Variants in ZNF609 observed in about 807,000 individuals in gnomAD.
ZNF609 encodes zinc finger protein 609.
Under a neutral mutation model 109.5 loss-of-function variants are expected in ZNF609, and 11 were observed. The observed-to-expected ratio is 0.10, with a 90% CI of 0.06 to 0.17. The LOEUF is 0.17. ZNF609 is among the 10% of genes least tolerant of loss of function. ZNF609 has a pLI of 1.00. For synonymous variants in ZNF609, 646 were observed against 662.0 expected (o/e 0.98, Z 0.37); for missense variants, 1,559 against 1,772.4 (o/e 0.88, Z 2.16).
chr15:64,608,226 G>A (rs1234802905), intron 2 of ZNF609, among the ~76,000 whole-genome samples: 1 of 151,978 alleles, frequency 6.6e-6, no homozygotes, highest in African/African-American at 2.4e-5. Context: ...TTCTAGTCTG[G>A]TAAACATCAG....
chr15:64,528,402 A>ATTT (rs1894003703), intron 2 of ZNF609, among the ~76,000 whole-genome samples: 1 of 150,186 alleles, frequency 6.7e-6, no homozygotes, highest in African/African-American at 2.4e-5. Context: ...TATTATTATT[A>ATTT]TTATTTTTAA....
chr15:64,613,724 G>A (rs992290603), intron 2 of ZNF609, among the ~76,000 whole-genome samples: 1 of 151,766 alleles, frequency 6.6e-6, no homozygotes, highest in Non-Finnish European at 1.5e-5. Flanking sequence ...CTAATTTTTT[G>A]TATTTTTAGT....
chr15:64,676,197 A>C lies in ZNF609; in HGVS notation c.3343A>C (p.Lys1115Gln). ...SHLSKEASEA[K>Q]TGAECGRQAE... ...CCTAAGCAAGGAGGCCTCTGAGGCC[A>C]AGACAGGTGCTGAGTGTGGTCGACA... Residue 1115 changes from lysine (K) to glutamine (Q), a missense_variant, in exon 5 of 10, where the codon AAG (lysine) becomes CAG (glutamine). Physicochemically the swap from Lys to Gln is moderately conservative, Grantham distance 53. Transcript: ENST00000326648. 6.2e-7 allele frequency: 1 copy of C among 1,614,148 alleles called. No homozygotes were observed. The highest frequency in any genetic ancestry group is 8.5e-7 in the Non-Finnish European group (1 of 1,180,008).
Position 64,675,774 on chromosome 15 carries a change from T to A in ZNF609, c.2920T>A (p.Tyr974Asn). ...RPNMYMQSLYYNQYAYVPPYG... is the reference protein window; with the variant it reads ...RPNMYMQSLYNNQYAYVPPYG... The stretch of plus-strand genomic sequence containing the variant: ...CAATATGTACATGCAGTCCCTGTAC[T>A]ACAACCAGTATGCCTATGTACCCCC... Residue 974 changes from tyrosine (Y) to asparagine (N), a missense_variant, in exon 5 of 10, where the codon TAC (tyrosine) becomes AAC (asparagine). By Grantham distance (143) the Tyr-to-Asn change is moderately radical. This residue lies in a region of ZNF609 where 1,204 missense variants were observed against 1,314.1 expected (regional missense o/e 0.92). Coordinates refer to ENST00000326648, the MANE Select transcript of ZNF609 (RefSeq NM_015042.2). 1 of 1,614,202 alleles carries A rather than the reference T, an allele frequency of 6.2e-7. No individual in the cohort carries two copies. The highest frequency in any genetic ancestry group is 8.5e-7 in the Non-Finnish European group (1 of 1,180,042).
At chr15:64,598,348 T>A (rs1895432844) in intron 2 of ZNF609, among the ~76,000 whole-genome samples, 1 of 152,144 alleles carries the variant, frequency 6.6e-6, no homozygotes, top group Non-Finnish European at 1.5e-5. Flanking sequence ...ACTCCTGGCC[T>A]CAAGTGATCC....
intron 2 of ZNF609, among the ~76,000 whole-genome samples, chr15:64,586,124 A>T (rs552617798): frequency 2.8e-4 from 42 of 152,246 alleles, no homozygotes; most frequent in African/African-American, 9.9e-4. Context: ...CAGGAGTTCG[A>T]GACCAGCCTA....
intron 2 of ZNF609, among the ~76,000 whole-genome samples, chr15:64,598,750 A>ATATATATG (rs1289109463): frequency 1.1e-5 from 1 of 92,776 alleles, no homozygotes; most frequent in Non-Finnish European, 2.2e-5. Context: ...GTGTATATAT[A>ATATATATG]TATATATATA....
intron 2 of ZNF609, among the ~76,000 whole-genome samples, chr15:64,613,951 T>C (rs910667243): frequency 6.6e-6 from 1 of 151,946 alleles, no homozygotes; most frequent in African/African-American, 2.4e-5. Context: ...TTTGAGACAG[T>C]CTTGCTCTAT....
In ZNF609 at chr15:64,499,825, G is replaced by A; in HGVS notation, c.406G>A (p.Ala136Thr). The A allele has an allele frequency of 6.2e-7, 1 of 1,614,106 alleles. No individual in the cohort carries two copies. Among genetic ancestry groups the A allele is most frequent in the Non-Finnish European group, 8.5e-7 (1 of 1,180,018 alleles). The change falls in exon 2 of 10, where the codon GCT becomes ACT. Residue 136 changes from alanine (A) to threonine (T), a missense_variant. Physicochemically the swap from Ala to Thr is moderately conservative, Grantham distance 58. Transcript: ENST00000326648. ...TGGTGCCAATGCTGGAGGCCTGGTT[G>A]CTGCTATTGCTCCCAAGGGCTCAGA... Reference protein sequence around the residue: ...GDGANAGGLVAAIAPKGSEKA... With the variant: ...GDGANAGGLVTAIAPKGSEKA...
At chr15:64,511,563 A>G (rs1467780143) in intron 2 of ZNF609, among the ~76,000 whole-genome samples, 2 of 151,868 alleles carry the variant, frequency 1.3e-5, no homozygotes, top group African/African-American at 4.8e-5. Context: ...ATCCTATAAC[A>G]TCTGAATGTT....
chr15:64,657,163 C>A (rs968300482), intron 3 of ZNF609, among the ~76,000 whole-genome samples: 1 of 145,074 alleles, frequency 6.9e-6, no homozygotes, highest in Non-Finnish European at 1.5e-5. Context: ...GGAGGCTGAG[C>A]CAGGAGAATC....
At chr15:64,526,620 T>C (rs1893971177) in intron 2 of ZNF609, among the ~76,000 whole-genome samples, 1 of 152,182 alleles carries the variant, frequency 6.6e-6, no homozygotes, top group Non-Finnish European at 1.5e-5. Context: ...TATGGGATTT[T>C]TTTTTTTCTT....
intron 3 of ZNF609, among the ~76,000 whole-genome samples, chr15:64,639,293 G>A (rs931827365): frequency 7.2e-5 from 11 of 152,176 alleles, no homozygotes; most frequent in African/African-American, 2.7e-4. Flanking sequence ...CACCACATCT[G>A]CCTTTGGGGC....
chr15:64,571,002 G>C (rs1894851508), intron 2 of ZNF609, among the ~76,000 whole-genome samples: 1 of 152,126 alleles, frequency 6.6e-6, no homozygotes, highest in Non-Finnish European at 1.5e-5. Flanking sequence ...CTCCAGCCGG[G>C]GCAACAGAGC....
intron 2 of ZNF609, among the ~76,000 whole-genome samples, chr15:64,530,064 G>C (rs1360892982): frequency 6.6e-6 from 1 of 151,938 alleles, no homozygotes; most frequent in Non-Finnish European, 1.5e-5. Flanking sequence ...ACCCTGTCTG[G>C]AGTGCAGTGG....
intron 1 of ZNF609, among the ~76,000 whole-genome samples, chr15:64,472,992 T>C (rs1173515941): frequency 6.6e-6 from 1 of 152,058 alleles, no homozygotes; most frequent in African/African-American, 2.4e-5. Flanking sequence ...AAAATGAAAC[T>C]ATAAGAAAAG....
At chr15:64,611,631 C>T (rs1210402421) in intron 2 of ZNF609, among the ~76,000 whole-genome samples, 2 of 152,074 alleles carry the variant, frequency 1.3e-5, no homozygotes, top group African/African-American at 4.8e-5. Context: ...AGACTGTAGA[C>T]TGCAAGTCTG....
intron 2 of ZNF609, chr15:64,502,062 GA>G (rs1345700209): frequency 2.6e-5 from 4 of 152,328 alleles, no homozygotes; most frequent in African/African-American, 9.6e-5. Context: ...GCCTCCCAGG[GA>G]GACTCTGAGA....
chr15:64,555,636 C>T (rs1894568968), intron 2 of ZNF609, among the ~76,000 whole-genome samples: 1 of 151,490 alleles, frequency 6.6e-6, no homozygotes, highest in African/African-American at 2.4e-5. Flanking sequence ...GTAATCCCAG[C>T]ACTTTGGGAG....
Sources: gnomAD v4.1 joint callset for allele counts (sites outside exome capture counted in the v4.1 genomes callset) on GRCh38, gnomAD v4.1.1 for gene constraint, gnomAD v4.1.1 regional missense constraint, MANE v1.5 for transcripts, NCBI Gene and HGNC (gene_info 2026-07-23, HGNC 2026-07-21) for gene names.